The following TSHZ3 variants were observed in gnomAD, a reference collection of about 807,000 sequenced individuals.
TSHZ3 encodes the protein teashirt homolog 3.
In TSHZ3, 10 loss-of-function variants were observed where a neutral mutation model predicts 64.5. That is an observed-to-expected ratio of 0.16 (90% CI 0.10 to 0.26). The LOEUF (loss-of-function observed/expected upper bound fraction) is 0.26, where lower values mean the gene tolerates loss of function less well. Ranked by LOEUF, TSHZ3 falls within the 10% of genes least tolerant of loss-of-function variation. The probability of loss-of-function intolerance (pLI) is 1.00; values close to 1 mark genes in which losing one functional copy is unlikely to be tolerated. For synonymous variants in TSHZ3, 608 were observed against 593.1 expected (o/e 1.03, Z -0.36); for missense variants, 1,242 against 1,421.7 (o/e 0.87, Z 2.03).
intron 4 of TSHZ3, among the ~76,000 whole-genome samples, chr19:31,222,336 T>A (rs1340907295): frequency 6.6e-6 from 1 of 152,206 alleles, no homozygotes; most frequent in Admixed American, 6.5e-5. Flanking sequence ...ATGGGGTCAG[T>A]CAAACGCATG....
intron 6 of TSHZ3, among the ~76,000 whole-genome samples, chr19:31,152,226 T>G (rs1974250612): frequency 2.0e-5 from 3 of 152,116 alleles, no homozygotes; most frequent in Non-Finnish European, 4.4e-5. Flanking sequence ...TATTACTGTG[T>G]CTTTCCATTC....
At chr19:31,251,581 T>C (rs1298677231) in intron 1 of TSHZ3, among the ~76,000 whole-genome samples, 1 of 152,178 alleles carries the variant, frequency 6.6e-6, no homozygotes, top group African/African-American at 2.4e-5. Context: ...TTTCTAATTC[T>C]GAAGGTGTTC....
intron 5 of TSHZ3, among the ~76,000 whole-genome samples, chr19:31,168,984 T>G (rs568231277): frequency 1.3e-5 from 2 of 152,174 alleles, no homozygotes; most frequent in African/African-American, 4.8e-5. Context: ...AGAAGACATA[T>G]TGAAAAATTA....
At chr19:31,338,935 G>A (rs1051011669) in intron 1 of TSHZ3, among the ~76,000 whole-genome samples, 1 of 151,714 alleles carries the variant, frequency 6.6e-6, no homozygotes, top group African/African-American at 2.4e-5. Context: ...CCAATCGATA[G>A]AAACACACAC....
intron 5 of TSHZ3, among the ~76,000 whole-genome samples, chr19:31,162,983 T>C (rs140150325): frequency 1.4e-3 from 214 of 152,320 alleles, no homozygotes; most frequent in African/African-American, 4.6e-3. Context: ...GCTAGGTCTC[T>C]CTCATTATCT....
At chr19:31,212,501 C>T (rs1975271152) in intron 4 of TSHZ3, among the ~76,000 whole-genome samples, 1 of 152,158 alleles carries the variant, frequency 6.6e-6, no homozygotes, top group South Asian at 2.1e-4. Flanking sequence ...AAAAGGCTCT[C>T]ATTATGTATC....
At chr19:31,336,577 C>CCGGTT (rs1249086656) in intron 1 of TSHZ3, among the ~76,000 whole-genome samples, 1 of 152,174 alleles carries the variant, frequency 6.6e-6, no homozygotes, top group African/African-American at 2.4e-5. Context: ...ATCCGGTTAT[C>CCGGTT]TAAGGAACGA....
intron 3 of TSHZ3, among the ~76,000 whole-genome samples, chr19:31,232,629 C>G (rs1360933644): frequency 6.6e-6 from 1 of 152,240 alleles, no homozygotes; most frequent in Non-Finnish European, 1.5e-5. Flanking sequence ...AGTACACACT[C>G]ATGCAACCAC....
At chr19:31,224,673 A>G (rs1309704963) in intron 4 of TSHZ3, among the ~76,000 whole-genome samples, 1 of 152,230 alleles carries the variant, frequency 6.6e-6, no homozygotes, top group Non-Finnish European at 1.5e-5. Context: ...ATTAAATCAT[A>G]TCATTGCTAT....
chr19:31,197,008 C>T (rs1975002712), intron 5 of TSHZ3, among the ~76,000 whole-genome samples: 1 of 151,936 alleles, frequency 6.6e-6, no homozygotes, highest in Non-Finnish European at 1.5e-5. Context: ...TCAGGATATA[C>T]ATTCTTCTCA....
intron 1 of TSHZ3, among the ~76,000 whole-genome samples, chr19:31,256,773 C>T (rs910003180): frequency 2.0e-5 from 3 of 152,176 alleles, no homozygotes; most frequent in African/African-American, 7.2e-5. Context: ...ACAGTGCCAC[C>T]GTGGGCCTGA....
intron 1 of TSHZ3, among the ~76,000 whole-genome samples, chr19:31,320,007 C>T (rs1309279684): frequency 1.3e-5 from 2 of 152,118 alleles, no homozygotes; most frequent in African/African-American, 4.8e-5. Context: ...TACAGCCTGG[C>T]TCAAAAACCA....
chr19:31,305,786 G>A (rs976062033), intron 1 of TSHZ3: 1 of 152,120 alleles, frequency 6.6e-6, no homozygotes, highest in Non-Finnish European at 1.5e-5. Context: ...TAGCCAAGCA[G>A]GCAAGTCAGG....
chr19:31,158,810 A>G (rs527967577), intron 5 of TSHZ3, among the ~76,000 whole-genome samples: 1 of 152,200 alleles, frequency 6.6e-6, no homozygotes, highest in East Asian at 1.9e-4. Flanking sequence ...ATGCAACTAG[A>G]TCCCTCACAT....
intron 4 of TSHZ3, among the ~76,000 whole-genome samples, chr19:31,226,973 C>CTTTT (rs1255178594): frequency 9.5e-4 from 65 of 68,100 alleles, no homozygotes; most frequent in African/African-American, 5.7e-3. Flanking sequence ...TTCTTTCTTT[C>CTTTT]TTTCTTTTTT....
chr19:31,165,561 T>A (rs192291853), intron 5 of TSHZ3, among the ~76,000 whole-genome samples: 145 of 152,068 alleles, frequency 9.5e-4, no homozygotes, highest in South Asian at 8.3e-4. Flanking sequence ...ATGGGGATGG[T>A]TTCAGAGAAG....
chr19:31,230,614 TAGG>T (rs1487749857), intron 3 of TSHZ3, among the ~76,000 whole-genome samples: 2 of 150,486 alleles, frequency 1.3e-5, no homozygotes, highest in Non-Finnish European at 2.9e-5. Context: ...GCAGCTGAGC[TAGG>T]AGAAGACAAC....
At chr19:31,315,202 T>G (rs960543644) in intron 1 of TSHZ3, among the ~76,000 whole-genome samples, 1 of 152,258 alleles carries the variant, frequency 6.6e-6, no homozygotes, top group African/African-American at 2.4e-5. Flanking sequence ...AATCCAACTT[T>G]CCTTTCATGA....
At chr19:31,200,638 T>A (rs559586669) in intron 5 of TSHZ3, among the ~76,000 whole-genome samples, 1 of 152,236 alleles carries the variant, frequency 6.6e-6, no homozygotes, top group Non-Finnish European at 1.5e-5. Flanking sequence ...TTCTGCACAA[T>A]ACTACGATGT....
Sources: allele counts gnomAD v4.1 joint callset (sites outside exome capture counted in the v4.1 genomes callset), GRCh38; gene constraint gnomAD v4.1.1; transcripts MANE v1.5; gene names NCBI Gene and HGNC (gene_info 2026-07-23, HGNC 2026-07-21).